Variants in RAB3GAP2 observed in about 807,000 individuals in gnomAD.
RAB3GAP2 encodes RAB3 GTPase activating non-catalytic protein subunit 2.
A neutral mutation model predicts 185.3 loss-of-function variants in RAB3GAP2; 87 were observed. The ratio of observed to expected loss-of-function variants is 0.47; its 90% CI spans 0.39 to 0.56. RAB3GAP2 has a LOEUF of 0.56. Among genes scored for constraint, RAB3GAP2 ranks in the 20% least tolerant of loss-of-function variants. The pLI, the probability that RAB3GAP2 is intolerant of heterozygous loss-of-function variation, is 0.00. For synonymous variants in RAB3GAP2, 554 were observed against 576.1 expected, an observed-to-expected ratio of 0.96 and a Z score of 0.55; for missense variants, 1,492 against 1,638.2, an observed-to-expected ratio of 0.91 and a Z score of 1.54.
At chr1:220,266,999 C>A (rs1660238438) in intron 1 of RAB3GAP2, 5 of 1,611,304 alleles carry the variant, frequency 3.1e-6, no homozygotes, top group Non-Finnish European at 4.2e-6. Context: ...ACCTTCTCAT[C>A]ATGCATCCGA....
chr1:220,184,294 AAGCTATAC>A, intron 18 of RAB3GAP2, 131 bp from the exon 19 acceptor site: 1 of 749,076 alleles, frequency 1.3e-6, no homozygotes, highest in Non-Finnish European at 2.1e-6. Flanking sequence ...TGAGATGCTT[AAGCTATAC>A]CAGGTTTTGA....
At chr1:220,232,001 A>C (rs189448450) in intron 2 of RAB3GAP2, among the ~76,000 whole-genome samples, 40 of 152,330 alleles carry the variant, frequency 2.6e-4, no homozygotes, top group South Asian at 1.9e-3. Flanking sequence ...TATTTAAGCC[A>C]ATTAAAGTTA....
rs1659158999 is a variant in RAB3GAP2 at position 220,214,946 on chromosome 1, T to TATATA, written c.181-968_181-967insTATAT. 1.3e-3 allele frequency among the ~76,000 whole-genome samples: 118 copies of TATATA among 89,624 alleles called. 3 individuals are homozygous for TATATA. The South Asian group carries it at 0.023, about 17-fold the overall frequency. The allele number at this position is 89,624 out of a possible 152,430, so 58.8% of individuals were successfully genotyped here. The stretch of plus-strand genomic sequence containing the variant: ...CCTTTTTCTTACAAGAATAGTAGCA[T>TATATA]TATATATATATATATATATATATAT... On this transcript the variant is annotated intron_variant, in intron 2 of 34. Coordinates refer to ENST00000358951, the MANE Select transcript of RAB3GAP2 (RefSeq NM_012414.4).
chr1:220,263,264 T>C (rs191601222), intron 1 of RAB3GAP2, among the ~76,000 whole-genome samples: 3 of 152,278 alleles, frequency 2.0e-5, no homozygotes, highest in African/African-American at 7.2e-5. Context: ...TTTCACACTG[T>C]TGATTGTGTC....
intron 1 of RAB3GAP2, among the ~76,000 whole-genome samples, chr1:220,255,072 G>GT: frequency 6.6e-6 from 1 of 151,370 alleles, no homozygotes; most frequent in Non-Finnish European, 1.5e-5. Flanking sequence ...TTGTTTCATG[G>GT]TTTTTGTATT....
intron 12 of RAB3GAP2, among the ~76,000 whole-genome samples, chr1:220,194,523 G>A (rs769365921): frequency 6.7e-4 from 102 of 152,076 alleles, no homozygotes; most frequent in Non-Finnish European, 1.2e-3. Context: ...CACCGGAGTA[G>A]CTGGGATTAC....
intron 1 of RAB3GAP2, among the ~76,000 whole-genome samples, chr1:220,242,481 A>G (rs1475590070): frequency 6.7e-6 from 1 of 150,012 alleles, no homozygotes; most frequent in African/African-American, 2.5e-5. Context: ...ACTGGAAACT[A>G]GGGAAAAAAG....
At chr1:220,214,927 T>C (rs1461965384) in intron 2 of RAB3GAP2, among the ~76,000 whole-genome samples, 1 of 134,192 alleles carries the variant, frequency 7.5e-6, no homozygotes, top group Non-Finnish European at 1.6e-5. Flanking sequence ...CCTCCCTTTT[T>C]CTTACAAGAA....
rs996523098 is a variant in RAB3GAP2 at position 220,149,313 on chromosome 1, G to C, written c.*1938C>G. On this transcript the variant is annotated 3_prime_UTR_variant, in exon 35 of 35. Transcript: ENST00000358951. ...TTAGGATTCTGTGAGCCATACTTCA[G>C]CTTATTATTGTTCTCAGCAATCCCC... 6 of 152,112 alleles carry C rather than the reference G, an allele frequency of 3.9e-5. No homozygotes were observed. The highest frequency in any genetic ancestry group is 6.5e-5 in the Admixed American group (1 of 15,274). 9.4% of individuals were successfully genotyped at this position (152,112 alleles called of 1,614,324 possible). A position where few individuals can be genotyped will look rare whatever the true frequency, so the allele number is the denominator to read the frequency against.
chr1:220,189,409 C>T (rs1001879776), intron 17 of RAB3GAP2, among the ~76,000 whole-genome samples: 2 of 151,750 alleles, frequency 1.3e-5, no homozygotes, highest in African/African-American at 4.8e-5. Context: ...TTAGTAGAGA[C>T]GGGGTTTCAC....
At position 220,148,497 on chromosome 1, in the gene RAB3GAP2, A is replaced by G. The variant is rs757681341; in HGVS notation, c.*2754T>C. 2.0e-5 allele frequency: 3 copies of G among 152,142 alleles called. No individual in the cohort carries two copies. The highest frequency in any genetic ancestry group is 1.3e-4 in the Admixed American group (2 of 15,272). 9.4% of individuals were successfully genotyped at this position (152,142 alleles called of 1,614,324 possible). ...AATCTAACTTCTAGACACCCAGCAA[A>G]CCCATTCCTATCAGGGTGAGAGAGG... is the stretch of plus-strand genomic sequence containing the variant. On this transcript the variant is annotated 3_prime_UTR_variant, in exon 35 of 35. Coordinates refer to ENST00000358951, the MANE Select transcript of RAB3GAP2 (RefSeq NM_012414.4).
At position 220,183,079 on chromosome 1, in the gene RAB3GAP2, C is replaced by T. The variant is rs76143639; in HGVS notation, c.1999-148G>A. On this transcript the variant is annotated intron_variant, in intron 19 of 34. Transcript: ENST00000358951. Reference sequence around the variant, plus strand: ...TGCTTAAAACTTTACTTACAAATCACGTTTCATGAGTAGGAAGTTATTTAA... The same window carrying T: ...TGCTTAAAACTTTACTTACAAATCATGTTTCATGAGTAGGAAGTTATTTAA... The T allele has an allele frequency of 9.0e-4, 594 of 662,850 alleles. 1 individual carries two copies. In the African/African-American group the frequency reaches 9.6e-3, roughly 11 times the overall value. The allele number at this position is 662,850 out of a possible 1,614,324, so 41.1% of individuals were successfully genotyped here. A position where few individuals can be genotyped will look rare whatever the true frequency, so the allele number is the denominator to read the frequency against.
chr1:220,157,577 C>T, intron 30 of RAB3GAP2, 89 bp from the exon 31 acceptor site: 1 of 1,331,006 alleles, frequency 7.5e-7, no homozygotes, highest in Non-Finnish European at 1.1e-6. Flanking sequence ...CAGCAAAGTG[C>T]AAATTCATAT....
At chr1:220,265,092 T>C (rs1571937341) in intron 1 of RAB3GAP2, among the ~76,000 whole-genome samples, 1 of 152,266 alleles carries the variant, frequency 6.6e-6, no homozygotes, top group East Asian at 2.0e-4. Context: ...TAACTCTATA[T>C]ATTTTCTGAA....
At chr1:220,213,751 A>C in intron 3 of RAB3GAP2, 105 bp downstream of exon 3, 2 of 876,374 alleles carry the variant, frequency 2.3e-6, no homozygotes, top group South Asian at 1.5e-5. Flanking sequence ...GGGGAGAGAG[A>C]GAGAAATAAA....
Position 220,210,978 on chromosome 1 carries a change from A to G in RAB3GAP2, c.411T>C (p.Cys137=), listed in dbSNP as rs777225776. Residue 137 remains cysteine, a synonymous_variant, in exon 5 of 35, where the codon TGT becomes TGC. Coordinates refer to ENST00000358951, the MANE Select transcript of RAB3GAP2 (RefSeq NM_012414.4). The stretch of plus-strand genomic sequence containing the variant: ...ACCTCTTTTGGCTTGCTAGTGGGAT[A>G]CATAGAGCACTGGTTACACATTCCC... ...EEGECVTSAL[C]IPLASQKRSS... The G allele has an allele frequency of 1.9e-6, 3 of 1,613,930 alleles. No homozygotes were observed. The highest frequency in any genetic ancestry group is 4.5e-5 in the East Asian group (2 of 44,858).
Position 220,193,343 on chromosome 1 carries a change from G to A in RAB3GAP2, c.1167C>T (p.Ser389=). ...GLPDSRRHGE[S]ICLSPCNTLA... Reference sequence around the variant, plus strand: ...GTGTGTTACATGGAGACAGACATATGCTTTCACCATGGCGTCTAGAATCTG... The same window carrying A: ...GTGTGTTACATGGAGACAGACATATACTTTCACCATGGCGTCTAGAATCTG... The change falls in exon 13 of 35, where the codon AGC becomes AGT. Residue 389 remains serine, a synonymous_variant. Coordinates refer to ENST00000358951, the MANE Select transcript of RAB3GAP2 (RefSeq NM_012414.4). 1.2e-6 allele frequency: 2 copies of A among 1,613,834 alleles called. No individual in the cohort carries two copies. The highest frequency in any genetic ancestry group is 1.7e-6 in the Non-Finnish European group (2 of 1,179,864).
At position 220,157,286 on chromosome 1, in the gene RAB3GAP2, G is replaced by A. The variant is rs750605215; in HGVS notation, c.3539C>T (p.Ser1180Leu). 5 of 1,613,876 alleles carry A rather than the reference G, an allele frequency of 3.1e-6. No homozygotes were observed. Among genetic ancestry groups the A allele is most frequent in the Non-Finnish European group, 1.7e-6 (2 of 1,179,870 alleles). The change falls in exon 31 of 35, where the codon TCA (serine) becomes TTA (leucine). Residue 1180 changes from serine to leucine, a missense_variant. By Grantham distance (145) the Ser-to-Leu change is moderately radical (BLOSUM62 -2). Coordinates refer to ENST00000358951, the MANE Select transcript of RAB3GAP2 (RefSeq NM_012414.4). ...RFSLKTVKPL[S>L]LFDSKGKNAF... The stretch of plus-strand genomic sequence containing the variant: ...GGTACTTACCTTACTGTCAAAAAGT[G>A]AAAGTGGCTTCACGGTCTTCAGAGA...
At chr1:220,159,502 A>G (rs1657922437) in intron 28 of RAB3GAP2, 81 bp from the exon 29 acceptor site, 1 of 1,100,396 alleles carries the variant, frequency 9.1e-7, no homozygotes, top group Middle Eastern at 2.9e-4. Context: ...ATAAAAAGTA[A>G]CCGAATTTAA....
Sources: gnomAD v4.1 joint callset for allele counts (sites outside exome capture counted in the v4.1 genomes callset) on GRCh38, gnomAD v4.1.1 for gene constraint, MANE v1.5 for transcripts, NCBI Gene and HGNC (gene_info 2026-07-23, HGNC 2026-07-21) for gene names.